AHCYL2: variants seen among roughly 807,000 people sequenced by gnomAD.
AHCYL2 encodes adenosylhomocysteinase like 2, also known as S-adenosylhomocysteine hydrolase-like protein 2.
AHCYL2 carries 28 observed loss-of-function variants against 81.4 expected under a neutral mutation model. The ratio of observed to expected loss-of-function variants is 0.34; its 90% confidence interval spans 0.25 to 0.47. The LOEUF is 0.47. AHCYL2 is among the 20% of genes least tolerant of loss of function. The pLI is 1.00. For synonymous variants in AHCYL2, 272 were observed against 290.2 expected (o/e 0.94, Z 0.64); for missense variants, 551 against 785.1 (o/e 0.70, Z 3.56).
intron 1 of AHCYL2, among the ~76,000 whole-genome samples, chr7:129,235,847 T>C (rs1232391954): frequency 1.3e-5 from 2 of 152,204 alleles, no homozygotes; most frequent in Admixed American, 6.5e-5. Flanking sequence ...CCTAAGTCTA[T>C]ATTGTTGTTT....
At chr7:129,336,072 T>C (rs1466331556) in intron 1 of AHCYL2, among the ~76,000 whole-genome samples, 4 of 2,498 alleles carry the variant, frequency 1.6e-3, no homozygotes, top group African/African-American at 2.2e-3. Context: ...TTTTCTTTCC[T>C]TTTTTTTTTT....
In AHCYL2 at chr7:129,271,303, G is replaced by GTGAGCC. The variant is rs999035272; in HGVS notation, c.363+45865_363+45870dup. ...GTGAACCCGAGAGGTGGAGCTTGCAGTGAGCCGAGATGGTGCCACTGCAAT... is the reference window on the plus strand; with the variant it reads ...GTGAACCCGAGAGGTGGAGCTTGCAGTGAGCCTGAGCCGAGATGGTGCCACTGCAAT... On this transcript the variant is annotated intron_variant, in intron 1 of 16. Transcript: ENST00000325006. 2.0e-5 allele frequency among the ~76,000 whole-genome samples: 3 copies of GTGAGCC among 146,440 alleles called. 1 individual carries two copies. Among genetic ancestry groups the GTGAGCC allele is most frequent in the Admixed American group, 7.0e-5 (1 of 14,208 alleles).
intron 1 of AHCYL2, among the ~76,000 whole-genome samples, chr7:129,358,400 AC>A (rs1440049342): frequency 2.3e-4 from 34 of 147,328 alleles, no homozygotes; most frequent in Admixed American, 1.5e-3. Flanking sequence ...TCACACACAC[AC>A]AAAAAAAAAA....
intron 1 of AHCYL2, among the ~76,000 whole-genome samples, chr7:129,250,814 T>C (rs958269330): frequency 2.2e-4 from 33 of 152,346 alleles, no homozygotes; most frequent in African/African-American, 7.5e-4. Context: ...AAAATCCCTT[T>C]CTTCCTTGTA....
intron 2 of AHCYL2, among the ~76,000 whole-genome samples, chr7:129,380,358 G>A (rs921992426): frequency 2.6e-5 from 4 of 152,232 alleles, no homozygotes; most frequent in African/African-American, 9.6e-5. Flanking sequence ...GCATCGGCTA[G>A]TATGCTAAAC....
intron 1 of AHCYL2, among the ~76,000 whole-genome samples, chr7:129,290,748 G>A (rs1470154995): frequency 6.6e-6 from 1 of 151,898 alleles, no homozygotes; most frequent in East Asian, 1.9e-4. Context: ...GGTCAAGATG[G>A]TGAAACCCCA....
chr7:129,402,154 C>T (rs1016694729), intron 6 of AHCYL2, among the ~76,000 whole-genome samples: 1 of 152,130 alleles, frequency 6.6e-6, no homozygotes, highest in African/African-American at 2.4e-5. Context: ...TCAGGGATTC[C>T]ATACATGGAG....
chr7:129,242,176 G>A (rs1341522816), intron 1 of AHCYL2, among the ~76,000 whole-genome samples: 1 of 152,008 alleles, frequency 6.6e-6, no homozygotes, highest in Non-Finnish European at 1.5e-5. Flanking sequence ...TAACTACTAT[G>A]TGGTATTTCA....
At chr7:129,340,022 C>G (rs1215674805) in intron 1 of AHCYL2, among the ~76,000 whole-genome samples, 1 of 150,180 alleles carries the variant, frequency 6.7e-6, no homozygotes, top group African/African-American at 2.4e-5. Context: ...GGGTTCACGC[C>G]ATTCTTCTGC....
chr7:129,242,531 T>C (rs7778993), intron 1 of AHCYL2, among the ~76,000 whole-genome samples: 124,612 of 151,944 alleles, frequency 0.82, 53,074 homozygotes, highest in East Asian at 1. Context: ...GTCTGGCCAA[T>C]ATAGTGAAAC....
rs60765573 is a variant in AHCYL2 at position 129,304,670 on chromosome 7, A to G, written c.364-74968A>G. Among the ~76,000 whole-genome samples the G allele has an allele frequency of 1.8e-3, 268 of 152,222 alleles. 1 individual carries two copies. Among genetic ancestry groups the G allele is most frequent in the African/African-American group, 6.2e-3 (256 of 41,558 alleles). On this transcript the variant is annotated intron_variant, in intron 1 of 16. Transcript: ENST00000325006. ...TCTCTTTTTGTAGTTTTTGTCTTGA[A>G]ATCTATTTTGTCTGATACAAATACA... is the stretch of plus-strand genomic sequence containing the variant.
chr7:129,314,662 C>T (rs900277972), intron 1 of AHCYL2, among the ~76,000 whole-genome samples: 4 of 152,154 alleles, frequency 2.6e-5, no homozygotes, highest in Admixed American at 1.3e-4. Context: ...AATCATTTCC[C>T]AAAGGCCTCA....
intron 11 of AHCYL2, among the ~76,000 whole-genome samples, chr7:129,412,379 C>T (rs1296634670): frequency 6.6e-6 from 1 of 150,734 alleles, no homozygotes; most frequent in Non-Finnish European, 1.5e-5. Flanking sequence ...CTCCCGTGTG[C>T]AAGGGATTCT....
In AHCYL2 at chr7:129,368,504, T is replaced by G. The variant is rs749387251; in HGVS notation, c.364-11134T>G. The G allele has an allele frequency of 3.1e-6, 5 of 1,613,872 alleles. No individual in the cohort carries two copies. The African/African-American group carries it at 4.0e-5, about 13-fold the overall frequency. ...TACCCAAGCCTGCACTATGGAGAAGTGGGACGGTAATGAGGGCACCTCAGC... is the reference window on the plus strand; with the variant it reads ...TACCCAAGCCTGCACTATGGAGAAGGGGGACGGTAATGAGGGCACCTCAGC... On this transcript the variant is annotated intron_variant, in intron 1 of 16. Coordinates refer to ENST00000325006, the MANE Select transcript of AHCYL2 (RefSeq NM_015328.4). This position sits in a 1 kb window ranked among gnomAD's most constrained non-coding sequence, Gnocchi z 4.4.
chr7:129,385,184 TTTTGTG>T (rs1795146162), intron 2 of AHCYL2, among the ~76,000 whole-genome samples: 1 of 152,214 alleles, frequency 6.6e-6, no homozygotes, highest in South Asian at 2.1e-4. Flanking sequence ...AACAACAAAA[TTTTGTG>T]TTTGTATTTG....
intron 4 of AHCYL2, among the ~76,000 whole-genome samples, chr7:129,396,793 C>T (rs1795763912): frequency 6.6e-6 from 1 of 152,174 alleles, no homozygotes; most frequent in Admixed American, 6.5e-5. Flanking sequence ...AGTCATGACT[C>T]ACTACAACCT....
chr7:129,344,314 T>G (rs373761242), intron 1 of AHCYL2, among the ~76,000 whole-genome samples: 6 of 152,286 alleles, frequency 3.9e-5, no homozygotes, highest in African/African-American at 1.2e-4. Context: ...ACAGTTTGAT[T>G]CATAATGGCC....
At chr7:129,333,876 A>G (rs1040837698) in intron 1 of AHCYL2, among the ~76,000 whole-genome samples, 11 of 152,096 alleles carry the variant, frequency 7.2e-5, no homozygotes, top group Admixed American at 4.6e-4. Context: ...TTGAAAAAAC[A>G]TTTTTTTCAT....
At chr7:129,348,678 A>G (rs1156735335) in intron 1 of AHCYL2, among the ~76,000 whole-genome samples, 1 of 152,180 alleles carries the variant, frequency 6.6e-6, no homozygotes, top group Non-Finnish European at 1.5e-5. Flanking sequence ...AGTATATAAT[A>G]CTTACTAAAT....
Sources: allele counts gnomAD v4.1 joint callset (sites outside exome capture counted in the v4.1 genomes callset), GRCh38; gene constraint gnomAD v4.1.1; non-coding constraint Gnocchi (gnomAD v3.1); transcripts MANE v1.5; gene names NCBI Gene and HGNC (gene_info 2026-07-23, HGNC 2026-07-21).